PCDHGA3: variants seen among roughly 807,000 people sequenced by gnomAD.
The protein encoded by PCDHGA3 is protocadherin gamma-A3.
A neutral mutation model predicts 58.5 loss-of-function variants in PCDHGA3; 40 were observed. The ratio of observed to expected loss-of-function variants is 0.68; its 90% CI spans 0.53 to 0.89. The LOEUF (loss-of-function observed/expected upper bound fraction) is 0.89, where lower values mean the gene tolerates loss of function less well. Ranked by LOEUF, PCDHGA3 falls within the 40% of genes least tolerant of loss-of-function variation. The pLI, the probability that PCDHGA3 is intolerant of heterozygous loss-of-function variation, is 0.00. For synonymous variants in PCDHGA3, 530 were observed against 525.7 expected, an observed-to-expected ratio of 1.01 and a Z score of -0.11; for missense variants, 1,223 against 1,195.9, an observed-to-expected ratio of 1.02 and a Z score of -0.33.
chr5:141,382,013 G>A (rs1000379234), intron 1 of PCDHGA3, among the ~76,000 whole-genome samples: 1 of 151,580 alleles, frequency 6.6e-6, no homozygotes, highest in Non-Finnish European at 1.5e-5. Context: ...ATTTTTAGTA[G>A]AGACGGGGTT....
rs773944794 is a variant in PCDHGA3 at position 141,477,003 on chromosome 5, C to T, written c.2425-17804C>T. 1.2e-6 allele frequency: 2 copies of T among 1,614,214 alleles called. No homozygotes were observed. The highest frequency in any genetic ancestry group is 8.5e-7 in the Non-Finnish European group (1 of 1,180,040). On this transcript the variant is annotated intron_variant, in intron 1 of 3. Transcript: ENST00000253812. This position sits in a 1 kb window ranked among gnomAD's most constrained non-coding sequence, Gnocchi z 4.9. ...CGCGCCGGCGTGCGGCAACTATTCG[C>T]CTTAGACCTTGTAACCGGGATGCTG...
intron 1 of PCDHGA3, chr5:141,355,419 GCTTTT>G: frequency 6.2e-7 from 1 of 1,614,042 alleles, no homozygotes; most frequent in Non-Finnish European, 8.5e-7. Flanking sequence ...GTAGGACGCA[GCTTTT>G]CGCCCTGAAC....
chr5:141,421,473 C>T (rs907282414), intron 1 of PCDHGA3: 10 of 1,613,994 alleles, frequency 6.2e-6, no homozygotes, highest in Middle Eastern at 1.6e-4. Context: ...ATCCGCGAAG[C>T]GGCAGCTTGA....
intron 1 of PCDHGA3, chr5:141,395,373 G>A (rs2150613921): frequency 1.7e-6 from 2 of 1,189,412 alleles, no homozygotes; most frequent in African/African-American, 3.1e-5. Context: ...TATTTTGGTG[G>A]TGTTACTATA....
Position 141,491,482 on chromosome 5 carries a change from A to G in PCDHGA3, c.2425-3325A>G. On this transcript the variant is annotated intron_variant, in intron 1 of 3. Coordinates refer to ENST00000253812, the MANE Select transcript of PCDHGA3 (RefSeq NM_018916.4). The surrounding 1 kb of genome is among the most constrained non-coding windows in gnomAD (Gnocchi z 6.9). Reference sequence around the variant, plus strand: ...GGACTTCTATAAGCAGTCCAGCCCCAACCTGCAGGTGAGCTCGGACGGCAC... The same window carrying G: ...GGACTTCTATAAGCAGTCCAGCCCCGACCTGCAGGTGAGCTCGGACGGCAC... 1 of 1,614,088 alleles carries G rather than the reference A, an allele frequency of 6.2e-7. No individual in the cohort carries two copies. The highest frequency in any genetic ancestry group is 8.5e-7 in the Non-Finnish European group (1 of 1,180,006).
chr5:141,388,640 A>G (rs373553997), intron 1 of PCDHGA3: 3 of 1,613,844 alleles, frequency 1.9e-6, no homozygotes, highest in African/African-American at 2.7e-5. Context: ...TGAGCCTTTC[A>G]GAAAACGTGT....
intron 1 of PCDHGA3, chr5:141,427,791 G>T (rs763294539): frequency 1.3e-6 from 2 of 1,488,082 alleles, no homozygotes; most frequent in South Asian, 1.1e-5. Context: ...GTCGTCCTAC[G>T]TGTCCGTGAG....
chr5:141,456,072 T>C (rs1349808406), intron 1 of PCDHGA3, among the ~76,000 whole-genome samples: 2 of 151,950 alleles, frequency 1.3e-5, no homozygotes, highest in Non-Finnish European at 2.9e-5. Flanking sequence ...TAATTTTTTG[T>C]ATTTTCAGTA....
chr5:141,343,916 C>T lies in PCDHGA3; in HGVS notation c.-118C>T. ...CTGCCAACCTCACCTCTTAGTCAAC[C>T]AGCTGTTTGACCTGTGAATTAGGCC... is the stretch of plus-strand genomic sequence containing the variant. On this transcript the variant is annotated 5_prime_UTR_variant, in exon 1 of 4. Coordinates refer to ENST00000253812, the MANE Select transcript of PCDHGA3 (RefSeq NM_018916.4). The T allele has an allele frequency of 1.1e-6, 1 of 937,592 alleles. No homozygotes were observed. Among genetic ancestry groups the T allele is most frequent in the Admixed American group, 2.7e-5 (1 of 36,808 alleles). 58.1% of individuals were successfully genotyped at this position (937,592 alleles called of 1,614,324 possible).
At chr5:141,377,453 C>T (rs1242702883) in intron 1 of PCDHGA3, 1 of 151,916 alleles carries the variant, frequency 6.6e-6, no homozygotes, top group Non-Finnish European at 1.5e-5. Flanking sequence ...AAAAAGTAGC[C>T]AGATGTGTGG....
At chr5:141,352,315 G>A (rs1438457932) in intron 1 of PCDHGA3, 3 of 1,614,064 alleles carry the variant, frequency 1.9e-6, no homozygotes, top group Non-Finnish European at 1.7e-6. Context: ...CGGAACTGCA[G>A]TTTTACCTGG....
At position 141,385,168 on chromosome 5, in the gene PCDHGA3, G is replaced by T. The variant is rs376175214; in HGVS notation, c.2424+38711G>T. On this transcript the variant is annotated intron_variant, in intron 1 of 3. Transcript: ENST00000253812. ...TTTCCTGCAGACCTATTCCCATGAG[G>T]TCTCCCTCACCGCGGACTCTCGGAA... 1.5e-5 allele frequency: 24 copies of T among 1,614,100 alleles called. No individual in the cohort carries two copies. Among genetic ancestry groups the T allele is most frequent in the Non-Finnish European group, 2.0e-5 (24 of 1,180,058 alleles).
chr5:141,372,233 G>C, intron 1 of PCDHGA3: 1 of 1,613,368 alleles, frequency 6.2e-7, no homozygotes, highest in Non-Finnish European at 8.5e-7. Flanking sequence ...AGGCCAGCGA[G>C]CCCGGGCTGT....
rs2233600 is a variant in PCDHGA3, at chr5:141,489,134, A to C, written c.2425-5673A>C. 9,827 of 731,232 alleles carry C rather than the reference A, an allele frequency of 0.013. 1,099 individuals are homozygous for C. The East Asian group carries it at 0.25, about 19-fold the overall frequency. The allele number at this position is 731,232 out of a possible 1,614,324, so 45.3% of individuals were successfully genotyped here. A position where few individuals can be genotyped will look rare whatever the true frequency, so the allele number is the denominator to read the frequency against. Reference sequence around the variant, plus strand: ...GGCAAACCTCCGAGCAGTTTTTAAGAGGCTGGAAGGAGACATAAGAGACTT... The same window carrying C: ...GGCAAACCTCCGAGCAGTTTTTAAGCGGCTGGAAGGAGACATAAGAGACTT... On this transcript the variant is annotated intron_variant, in intron 1 of 3. Transcript: ENST00000253812. The surrounding 1 kb of genome is among the most constrained non-coding windows in gnomAD (Gnocchi z 4.5).
intron 1 of PCDHGA3, chr5:141,413,232 G>A (rs374674787): frequency 1.1e-4 from 170 of 1,613,834 alleles, no homozygotes; most frequent in Non-Finnish European, 1.4e-4. Context: ...GGCTGGTCCT[G>A]CTCTGCCTTT....
At chr5:141,352,876 T>C (rs1759133957) in intron 1 of PCDHGA3, among the ~76,000 whole-genome samples, 1 of 152,126 alleles carries the variant, frequency 6.6e-6, no homozygotes, top group African/African-American at 2.4e-5. Context: ...TAGTCCCAGT[T>C]ACTCAGGAAG....
rs549713754 is a variant in PCDHGA3 at position 141,365,181 on chromosome 5, A to C, written c.2424+18724A>C. On this transcript the variant is annotated intron_variant, in intron 1 of 3. Coordinates refer to ENST00000253812, the MANE Select transcript of PCDHGA3 (RefSeq NM_018916.4). ...AAATTGACCTACTCTTTTCGCAATG[A>C]AGAAGAAAAAATTTCGGAGACTTTC... 46 of 1,613,864 alleles carry C rather than the reference A, an allele frequency of 2.9e-5. No homozygotes were observed. In the South Asian group the frequency reaches 3.8e-4, roughly 13 times the overall value.
At chr5:141,419,789 G>A (rs758649709) in intron 1 of PCDHGA3, 2 of 1,614,068 alleles carry the variant, frequency 1.2e-6, no homozygotes, top group South Asian at 2.2e-5. Context: ...GCGCCTGCTA[G>A]TCGCTGTAAG....
chr5:141,422,228 T>C (rs1561800204), intron 1 of PCDHGA3: 1 of 1,565,566 alleles, frequency 6.4e-7, no homozygotes, highest in Non-Finnish European at 8.6e-7. Flanking sequence ...ACCACGACGA[T>C]GTTGATCACT....
Sources: allele counts gnomAD v4.1 joint callset (sites outside exome capture counted in the v4.1 genomes callset), GRCh38; gene constraint gnomAD v4.1.1; non-coding constraint Gnocchi (gnomAD v3.1); transcripts MANE v1.5; gene names NCBI Gene and HGNC (gene_info 2026-07-23, HGNC 2026-07-21).